The following CNTNAP5 variants were observed in gnomAD, a reference collection of about 807,000 sequenced individuals.
The protein encoded by CNTNAP5 is contactin-associated protein-like 5.
A neutral mutation model predicts 150.2 loss-of-function variants in CNTNAP5; 72 were observed. That is an observed-to-expected ratio of 0.48 (90% confidence interval 0.40 to 0.58). The LOEUF (loss-of-function observed/expected upper bound fraction) is 0.58. CNTNAP5 is among the 20% of genes least tolerant of loss of function. The pLI, the probability that CNTNAP5 is intolerant of heterozygous loss-of-function variation, is 0.00. For synonymous variants in CNTNAP5, 672 were observed against 619.8 expected (o/e 1.08, Z -1.25); for missense variants, 1,636 against 1,626.2 (o/e 1.01, Z -0.10).
At chr2:124,408,672 G>A (rs368049527) in intron 3 of CNTNAP5, among the ~76,000 whole-genome samples, 4,199 of 151,708 alleles carry the variant, frequency 0.028, 175 homozygotes, top group African/African-American at 0.087. Context: ...TGCAGCTGAG[G>A]GTCCTGTCTG....
intron 18 of CNTNAP5, among the ~76,000 whole-genome samples, chr2:124,796,280 T>C (rs1183076120): frequency 6.6e-6 from 1 of 152,232 alleles, no homozygotes; most frequent in Non-Finnish European, 1.5e-5. Flanking sequence ...CCCATATCTA[T>C]GTTATTCCTA....
chr2:124,412,302 G>A (rs1285936254), intron 3 of CNTNAP5, among the ~76,000 whole-genome samples: 1 of 149,980 alleles, frequency 6.7e-6, no homozygotes, highest in African/African-American at 2.4e-5. Context: ...TGGCCATACT[G>A]CCCAAGGTAA....
intron 4 of CNTNAP5, among the ~76,000 whole-genome samples, chr2:124,430,669 C>G (rs867967227): frequency 6.6e-6 from 1 of 152,238 alleles, no homozygotes; most frequent in Admixed American, 6.5e-5. Context: ...ACGTTAAAAA[C>G]TGTGTCAGGT....
intron 13 of CNTNAP5, among the ~76,000 whole-genome samples, chr2:124,677,796 C>T (rs896875542): frequency 2.0e-5 from 3 of 151,824 alleles, no homozygotes; most frequent in African/African-American, 7.2e-5. Context: ...GTTTACAATC[C>T]TCTAGCTAGA....
At chr2:124,876,078 A>C (rs1432301915) in intron 21 of CNTNAP5, among the ~76,000 whole-genome samples, 3 of 152,098 alleles carry the variant, frequency 2.0e-5, no homozygotes, top group Non-Finnish European at 4.4e-5. Context: ...GCAAGATTTC[A>C]GTGGTAATGA....
chr2:124,748,877 T>C (rs774598002), intron 14 of CNTNAP5, among the ~76,000 whole-genome samples: 1 of 152,118 alleles, frequency 6.6e-6, no homozygotes, highest in Non-Finnish European at 1.5e-5. Context: ...AAATCAGATA[T>C]AGTTAACCAC....
chr2:124,560,883 G>C (rs1368244926), intron 10 of CNTNAP5, among the ~76,000 whole-genome samples: 1 of 151,666 alleles, frequency 6.6e-6, no homozygotes, highest in Non-Finnish European at 1.5e-5. Flanking sequence ...CTCAAAACTT[G>C]ACCACTGAGA....
rs550881832 is a variant in CNTNAP5, at chr2:124,798,621, C to T, written c.3217+301C>T. 2.0e-5 allele frequency among the ~76,000 whole-genome samples: 3 copies of T among 152,320 alleles called. No individual in the cohort carries two copies. In the East Asian group the frequency reaches 5.8e-4, roughly 29 times the overall value. ...ATCCATTAAGTGCAAAGGAGAACAT[C>T]ATAAGCATATCCGAATTTCAGAAGG... On this transcript the variant is annotated intron_variant, in intron 19 of 23. Transcript: ENST00000682447.
At chr2:124,773,173 T>C (rs913930160) in intron 17 of CNTNAP5, among the ~76,000 whole-genome samples, 156 bp downstream of exon 17, 13 of 152,206 alleles carry the variant, frequency 8.5e-5, no homozygotes, top group African/African-American at 3.1e-4. Flanking sequence ...CATTCTTTTA[T>C]TCTGGCTTCA....
At chr2:124,543,517 G>GA in intron 10 of CNTNAP5, among the ~76,000 whole-genome samples, 1 of 152,198 alleles carries the variant, frequency 6.6e-6, no homozygotes, top group Non-Finnish European at 1.5e-5. Flanking sequence ...AGCAGGAATG[G>GA]AACAAAAAAT....
At position 124,721,022 on chromosome 2, in the gene CNTNAP5, C is replaced by A. The variant is rs548049539; in HGVS notation, c.2078-26207C>A. Reference sequence around the variant, plus strand: ...GCTTCTGTTTCCATCTTTCCCGTACCTCCTGAAGTGTGGAAAGGGCAAATC... The same window carrying A: ...GCTTCTGTTTCCATCTTTCCCGTACATCCTGAAGTGTGGAAAGGGCAAATC... On this transcript the variant is annotated intron_variant, in intron 13 of 23. Transcript: ENST00000682447. Among the ~76,000 whole-genome samples the A allele has an allele frequency of 1.2e-4, 18 of 152,178 alleles. No homozygotes were observed. In the East Asian group the frequency reaches 2.7e-3, roughly 23 times the overall value.
intron 1 of CNTNAP5, among the ~76,000 whole-genome samples, chr2:124,080,633 C>A (rs2104674045): frequency 6.6e-6 from 1 of 152,268 alleles, no homozygotes; most frequent in African/African-American, 2.4e-5. Context: ...CTGAGAGTGT[C>A]CCCAAATCCA....
At chr2:124,461,812 G>T (rs1202101440) in intron 6 of CNTNAP5, among the ~76,000 whole-genome samples, 1 of 148,310 alleles carries the variant, frequency 6.7e-6, no homozygotes, top group Non-Finnish European at 1.5e-5. Flanking sequence ...AGTGAGCCAA[G>T]ATTGCACCAT....
chr2:124,220,313 T>C (rs868710348), intron 1 of CNTNAP5, among the ~76,000 whole-genome samples: 60 of 152,044 alleles, frequency 3.9e-4, no homozygotes, highest in African/African-American at 1.4e-3. Context: ...AGACAAAAAA[T>C]AGGAAAAGAA....
intron 1 of CNTNAP5, among the ~76,000 whole-genome samples, chr2:124,067,965 T>C (rs1027072617): frequency 6.6e-6 from 1 of 152,270 alleles, no homozygotes; most frequent in South Asian, 2.1e-4. Flanking sequence ...TACAGTCATA[T>C]TGGAGAAGGA....
At chr2:124,708,962 A>T (rs1295218959) in intron 13 of CNTNAP5, among the ~76,000 whole-genome samples, 1 of 152,126 alleles carries the variant, frequency 6.6e-6, no homozygotes, top group African/African-American at 2.4e-5. Flanking sequence ...CCCTTCTGTG[A>T]ACACTAAATC....
intron 13 of CNTNAP5, among the ~76,000 whole-genome samples, chr2:124,715,806 G>A (rs973388746): frequency 1.3e-5 from 2 of 152,106 alleles, no homozygotes; most frequent in African/African-American, 4.8e-5. Context: ...TTGGATATGG[G>A]GGAACAGCTA....
intron 8 of CNTNAP5, among the ~76,000 whole-genome samples, chr2:124,505,037 A>G (rs1431144215): frequency 6.6e-6 from 1 of 152,094 alleles, no homozygotes; most frequent in Non-Finnish European, 1.5e-5. Flanking sequence ...GAAGCAAAAC[A>G]AAAAGTGAAT....
At chr2:124,311,629 G>A (rs866910232) in intron 3 of CNTNAP5, among the ~76,000 whole-genome samples, 6 of 152,208 alleles carry the variant, frequency 3.9e-5, no homozygotes, top group Non-Finnish European at 7.4e-5. Flanking sequence ...TGAATTTTGG[G>A]TACACATGAT....
Sources: allele counts gnomAD v4.1 joint callset (sites outside exome capture counted in the v4.1 genomes callset), GRCh38; gene constraint gnomAD v4.1.1; transcripts MANE v1.5; gene names NCBI Gene and HGNC (gene_info 2026-07-23, HGNC 2026-07-21).